The following HADHA variants were observed in gnomAD, a reference collection of about 807,000 sequenced individuals.
HADHA encodes the protein trifunctional enzyme subunit alpha, mitochondrial.
A neutral mutation model predicts 91.3 loss-of-function variants in HADHA; 59 were observed. The observed-to-expected ratio is 0.65, with a 90% CI of 0.52 to 0.80. The LOEUF (loss-of-function observed/expected upper bound fraction) is 0.80. Among genes scored for constraint, HADHA ranks in the 30% least tolerant of loss-of-function variants. HADHA has a pLI of 0.00. For synonymous variants in HADHA, 320 were observed against 338.9 expected, an observed-to-expected ratio of 0.94 and a Z score of 0.61; for missense variants, 800 against 927.6, an observed-to-expected ratio of 0.86 and a Z score of 1.79.
intron 7 of HADHA, among the ~76,000 whole-genome samples, chr2:26,226,639 C>T (rs1268467742): frequency 6.6e-6 from 1 of 152,072 alleles, no homozygotes; most frequent in East Asian, 1.9e-4. Context: ...AAGAAAAGGC[C>T]CTCAATCCTT....
chr2:26,240,387 G>C (rs1361826111), intron 1 of HADHA, among the ~76,000 whole-genome samples: 5 of 152,138 alleles, frequency 3.3e-5, no homozygotes, highest in Non-Finnish European at 7.3e-5. Flanking sequence ...TATCTGGGAA[G>C]AATCAGTTCC....
intron 3 of HADHA, among the ~76,000 whole-genome samples, chr2:26,238,279 T>C (rs965224306): frequency 6.6e-6 from 1 of 152,178 alleles, no homozygotes; most frequent in Non-Finnish European, 1.5e-5. Context: ...GTTGGGATTA[T>C]AGGTGTGAGC....
chr2:26,234,894 A>G (rs1012752402), intron 4 of HADHA, among the ~76,000 whole-genome samples: 4 of 152,216 alleles, frequency 2.6e-5, no homozygotes, highest in African/African-American at 9.6e-5. Flanking sequence ...AAATTACTTC[A>G]CTATCAGATT....
intron 5 of HADHA, 25 bp from the exon 6 acceptor site, chr2:26,232,304 G>T: frequency 7.0e-6 from 11 of 1,563,772 alleles, no homozygotes; most frequent in Non-Finnish European, 8.8e-6. Context: ...AAGAAAATTA[G>T]AATGTTAGAA....
intron 19 of HADHA, 35 bp from the exon 20 acceptor site, chr2:26,191,430 G>T: frequency 6.2e-7 from 1 of 1,614,144 alleles, no homozygotes; most frequent in Non-Finnish European, 8.5e-7. Flanking sequence ...TGAAGGAGAC[G>T]CAACACGGGC....
chr2:26,234,241 T>A lies in HADHA; in HGVS notation c.429A>T (p.Gly143=). 6.2e-7 allele frequency: 1 copy of A among 1,613,976 alleles called. No individual in the cohort carries two copies. Among genetic ancestry groups the A allele is most frequent in the Non-Finnish European group, 8.5e-7 (1 of 1,179,838 alleles). The part of the protein sequence containing the change: ...STKPIVAAIN[G]SCLGGGLEVA... ...CCTCAAGTCCTCCTCCCAGGCAGGATCCATTGATGGCAGCCACAATAGGCT... is the reference window on the plus strand; with the variant it reads ...CCTCAAGTCCTCCTCCCAGGCAGGAACCATTGATGGCAGCCACAATAGGCT... The change falls in exon 5 of 20, where the codon GGA becomes GGT. Residue 143 remains glycine (G), a synonymous_variant. Transcript: ENST00000380649.
chr2:26,218,502 C>T (rs1455349744), intron 7 of HADHA, among the ~76,000 whole-genome samples: 2 of 152,040 alleles, frequency 1.3e-5, no homozygotes, highest in African/African-American at 4.8e-5. Context: ...ATAAAAAGCA[C>T]TAAAAATGGT....
intron 13 of HADHA, among the ~76,000 whole-genome samples, chr2:26,200,152 T>G (rs933352395): frequency 6.6e-6 from 1 of 152,184 alleles, no homozygotes; most frequent in Non-Finnish European, 1.5e-5. Flanking sequence ...TTTGTTTGTT[T>G]ATTTATTTAT....
At position 26,221,130 on chromosome 2, in the gene HADHA, T is replaced by A. The variant is rs1670365987; in HGVS notation, c.677-5955A>T. Among the ~76,000 whole-genome samples the A allele has an allele frequency of 6.6e-6, 1 of 152,134 alleles. No homozygotes were observed. The highest frequency in any genetic ancestry group is 2.4e-5 in the African/African-American group (1 of 41,422). ...TCAGATTTTGGAGACAACATATTAC[T>A]CATTTGGGTTGCTATTCCAGCCCAT... is the stretch of plus-strand genomic sequence containing the variant. On this transcript the variant is annotated intron_variant, in intron 7 of 19. Coordinates refer to ENST00000380649, the MANE Select transcript of HADHA (RefSeq NM_000182.5). This position sits in a 1 kb window ranked among gnomAD's most constrained non-coding sequence, Gnocchi z 4.8.
In HADHA at chr2:26,204,056, G is replaced by A; in HGVS notation, c.1220+6C>T. The A allele has an allele frequency of 6.2e-7, 1 of 1,613,468 alleles. No individual in the cohort carries two copies. The highest frequency in any genetic ancestry group is 8.5e-7 in the Non-Finnish European group (1 of 1,179,398). ...TAACTCTTGCAAAGAGAGAGAGCAGGCTTACCCTTTGAACACTTGTTGCTG... is the reference window on the plus strand; with the variant it reads ...TAACTCTTGCAAAGAGAGAGAGCAGACTTACCCTTTGAACACTTGTTGCTG... On this transcript the variant is annotated splice_donor_region_variant and intron_variant, in intron 12 of 19. Transcript: ENST00000380649.
At chr2:26,212,526 T>C in intron 10 of HADHA, 44 bp downstream of exon 10, 2 of 1,237,566 alleles carry the variant, frequency 1.6e-6, no homozygotes, top group South Asian at 2.4e-5. Context: ...GATCTTTAGT[T>C]TTCCTTTAAC....
At chr2:26,219,917 C>T (rs1441067885) in intron 7 of HADHA, among the ~76,000 whole-genome samples, 15 of 152,092 alleles carry the variant, frequency 9.9e-5, no homozygotes. Flanking sequence ...GAGTCATGGC[C>T]CCTTAAGCAA....
chr2:26,204,526 A>G (rs1669927432), intron 11 of HADHA, among the ~76,000 whole-genome samples: 1 of 152,142 alleles, frequency 6.6e-6, no homozygotes, highest in South Asian at 2.1e-4. Context: ...AAAAAGACCA[A>G]CCTCTTTTCT....
At chr2:26,239,951 A>G (rs1224047563) in intron 1 of HADHA, among the ~76,000 whole-genome samples, 2 of 152,182 alleles carry the variant, frequency 1.3e-5, no homozygotes, top group Admixed American at 6.5e-5. Context: ...CCATCTCCTC[A>G]ATCCCCAGTG....
intron 6 of HADHA, 33 bp from the exon 7 acceptor site, chr2:26,230,327 GA>G (rs754239439): frequency 3.1e-5 from 38 of 1,240,190 alleles, no homozygotes; most frequent in South Asian, 4.8e-5. Flanking sequence ...AATATAGGGG[GA>G]AAAAAATCAG....
chr2:26,231,645 A>G (rs773760380), intron 6 of HADHA, among the ~76,000 whole-genome samples: 11 of 152,180 alleles, frequency 7.2e-5, no homozygotes, highest in Non-Finnish European at 1.5e-4. Context: ...CCTTCCTCAG[A>G]GACTAACAAA....
At chr2:26,212,477 G>A (rs1373830050) in intron 10 of HADHA, 93 bp downstream of exon 10, 1 of 895,448 alleles carries the variant, frequency 1.1e-6, no homozygotes, top group African/African-American at 1.7e-5. Context: ...ACTAGGCTTT[G>A]GATATTTTTT....
rs2147749350 is a variant in HADHA, at chr2:26,191,556, C to T, written c.2073G>A (p.Glu691=). ...CCTCTGCAGGTGTGGCCAAGATCCC[C>T]TCTTGCAGGCACATGACTGCCTCAT... ...FVNEAVMCLQ[E]GILATPAEGD... The change falls in exon 19 of 20, where the codon GAG becomes GAA. Residue 691 remains glutamate, a synonymous_variant. Coordinates refer to ENST00000380649, the MANE Select transcript of HADHA (RefSeq NM_000182.5). 2 of 1,614,192 alleles carry T rather than the reference C, an allele frequency of 1.2e-6. No individual in the cohort carries two copies. The highest frequency in any genetic ancestry group is 8.5e-7 in the Non-Finnish European group (1 of 1,180,008).
In HADHA at chr2:26,244,560, A is replaced by G; in HGVS notation, c.37T>C (p.Phe13Leu). 1.3e-6 allele frequency: 2 copies of G among 1,588,568 alleles called. No individual in the cohort carries two copies. Among genetic ancestry groups the G allele is most frequent in the East Asian group, 4.6e-5 (2 of 43,570 alleles). ...ACRAIGILSR[F>L]SAFRILRSRG... is the part of the protein sequence containing the mutation. ...GAGCGGAGGATCCTGAAGGCAGAAA[A>G]GCGGCTGAGGATGCCAATCGCCCGG... Residue 13 changes from phenylalanine to leucine, a missense_variant, in exon 1 of 20, where the codon TTT becomes CTT. By Grantham distance (22) the Phe-to-Leu change is conservative (BLOSUM62 0). Transcript: ENST00000380649.
Sources: gnomAD v4.1 joint callset for allele counts (sites outside exome capture counted in the v4.1 genomes callset) on GRCh38, gnomAD v4.1.1 for gene constraint, Gnocchi (gnomAD v3.1) non-coding constraint, MANE v1.5 for transcripts, NCBI Gene and HGNC (gene_info 2026-07-23, HGNC 2026-07-21) for gene names.